Variants in EGFLAM observed in about 807,000 individuals in gnomAD.
EGFLAM encodes the protein pikachurin.
Under a neutral mutation model 113.1 loss-of-function variants are expected in EGFLAM, and 79 were observed. The observed-to-expected ratio is 0.70, with a 90% CI of 0.58 to 0.84. The LOEUF (loss-of-function observed/expected upper bound fraction) is 0.84, where lower values mean the gene tolerates loss of function less well. Ranked by LOEUF, EGFLAM falls within the 40% of genes least tolerant of loss-of-function variation. The pLI, the probability that EGFLAM is intolerant of heterozygous loss-of-function variation, is 0.00. For missense variants in EGFLAM, 1,265 were observed against 1,291.6 expected (o/e 0.98, Z 0.32); for synonymous variants, 504 against 487.6 (o/e 1.03, Z -0.44).
At chr5:38,374,359 T>G (rs1161212822) in intron 6 of EGFLAM, among the ~76,000 whole-genome samples, 2 of 152,142 alleles carry the variant, frequency 1.3e-5, no homozygotes, top group East Asian at 3.9e-4. Flanking sequence ...GATCAGAATT[T>G]TTAAAGATAA....
chr5:38,391,384 T>TTG (rs758900897), intron 6 of EGFLAM, among the ~76,000 whole-genome samples: 9,638 of 97,678 alleles, frequency 0.099, 500 homozygotes, highest in African/African-American at 0.21. Flanking sequence ...TTTCTTTTCT[T>TTG]TGTGTGTGTG....
At chr5:38,449,396 A>G (rs1742832375) in intron 18 of EGFLAM, among the ~76,000 whole-genome samples, 1 of 152,142 alleles carries the variant, frequency 6.6e-6, no homozygotes, top group African/African-American at 2.4e-5. Context: ...GTATTAATCT[A>G]CGTTGTCTTG....
chr5:38,358,463 A>AAAAAAG (rs1561292420), intron 5 of EGFLAM, among the ~76,000 whole-genome samples: 1 of 151,352 alleles, frequency 6.6e-6, no homozygotes, highest in East Asian at 2.0e-4. Flanking sequence ...AAAAAAAAAA[A>AAAAAAG]AAAAAGATTA....
chr5:38,331,153 C>A (rs190065590), intron 1 of EGFLAM, among the ~76,000 whole-genome samples: 2 of 152,086 alleles, frequency 1.3e-5, no homozygotes, highest in East Asian at 3.9e-4. Context: ...GAGAGATTTC[C>A]CATATACTCC....
chr5:38,377,240 C>T (rs886780089), intron 6 of EGFLAM, among the ~76,000 whole-genome samples: 5 of 151,790 alleles, frequency 3.3e-5, no homozygotes, highest in African/African-American at 7.3e-5. Context: ...CAGGTTCAAG[C>T]GCTTCTCCTG....
chr5:38,362,738 G>C (rs946700995), intron 5 of EGFLAM, among the ~76,000 whole-genome samples: 1 of 152,256 alleles, frequency 6.6e-6, no homozygotes, highest in African/African-American at 2.4e-5. Flanking sequence ...ACTAGCACCT[G>C]GTCCTAGAAA....
intron 5 of EGFLAM, among the ~76,000 whole-genome samples, chr5:38,360,823 T>A (rs202067786): frequency 2.1e-4 from 4 of 18,986 alleles, no homozygotes; most frequent in African/African-American, 3.1e-4. Context: ...TTTGAAATTA[T>A]TTATTTATTT....
chr5:38,387,857 A>G (rs1740705688), intron 6 of EGFLAM, among the ~76,000 whole-genome samples: 2 of 152,162 alleles, frequency 1.3e-5, no homozygotes, highest in South Asian at 2.1e-4. Context: ...GTTTTCTTCT[A>G]ATGTCGCGAA....
At chr5:38,404,168 T>C (rs1227951882) in intron 6 of EGFLAM, among the ~76,000 whole-genome samples, 2 of 152,202 alleles carry the variant, frequency 1.3e-5, no homozygotes, top group Non-Finnish European at 2.9e-5. Context: ...TGCCATTTCC[T>C]TCCACTCCAT....
At chr5:38,348,833 G>C (rs1040946287) in intron 3 of EGFLAM, among the ~76,000 whole-genome samples, 1 of 152,108 alleles carries the variant, frequency 6.6e-6, no homozygotes, top group Non-Finnish European at 1.5e-5. Flanking sequence ...AACAGATGGG[G>C]CAGTTCAGGG....
chr5:38,401,358 G>A (rs555357717), intron 6 of EGFLAM: 1 of 152,280 alleles, frequency 6.6e-6, no homozygotes, highest in East Asian at 1.9e-4. Context: ...AGAGTCTTAT[G>A]GACATTGAAC....
chr5:38,306,221 A>C (rs547274551), intron 1 of EGFLAM, among the ~76,000 whole-genome samples: 3 of 152,346 alleles, frequency 2.0e-5, no homozygotes, highest in African/African-American at 7.2e-5. Flanking sequence ...ATGAATAGAA[A>C]TCTTACCTGA....
rs117007651 is a variant in EGFLAM at position 38,434,668 on chromosome 5, G to A, written c.2167-469G>A. Among the ~76,000 whole-genome samples, 6 of 152,348 alleles carry A rather than the reference G, an allele frequency of 3.9e-5. No individual in the cohort carries two copies. The East Asian group carries it at 1.2e-3, about 29-fold the overall frequency. On this transcript the variant is annotated intron_variant, in intron 15 of 21. Coordinates refer to ENST00000322350, the MANE Select transcript of EGFLAM (RefSeq NM_152403.4). ...ATCTGAGATCTGGGCTGAAGGAACAGAGGGAAGGAGAAAAGGGCATGGTGA... is the reference window on the plus strand; with the variant it reads ...ATCTGAGATCTGGGCTGAAGGAACAAAGGGAAGGAGAAAAGGGCATGGTGA...
intron 3 of EGFLAM, chr5:38,345,775 G>A (rs1739458727): frequency 6.6e-6 from 1 of 152,226 alleles, no homozygotes; most frequent in South Asian, 2.1e-4. Flanking sequence ...TCTCTACTTT[G>A]AAAAGAGCAT....
At chr5:38,446,052 G>A (rs560720039) in intron 17 of EGFLAM, among the ~76,000 whole-genome samples, 1 of 152,142 alleles carries the variant, frequency 6.6e-6, no homozygotes, top group African/African-American at 2.4e-5. Context: ...CCTCTCCCCC[G>A]TGGGGGTGAG....
chr5:38,258,971 G>A, intron 1 of EGFLAM, 120 bp downstream of exon 1: 8 of 1,103,586 alleles, frequency 7.2e-6, no homozygotes, highest in Non-Finnish European at 1.0e-5. Flanking sequence ...TGCTTAACTC[G>A]CTTCAGCTCT....
chr5:38,450,724 C>A (rs1246681139), intron 18 of EGFLAM, among the ~76,000 whole-genome samples: 1 of 152,318 alleles, frequency 6.6e-6, no homozygotes, highest in South Asian at 2.1e-4. Context: ...TGGAGCTGGC[C>A]TAGCCTGAGC....
intron 1 of EGFLAM, among the ~76,000 whole-genome samples, chr5:38,268,525 A>G (rs190221682): frequency 2.6e-5 from 4 of 152,338 alleles, no homozygotes; most frequent in Non-Finnish European, 4.4e-5. Context: ...GATGTGGTAG[A>G]TTGTCTCTGA....
intron 6 of EGFLAM, among the ~76,000 whole-genome samples, chr5:38,375,947 G>A (rs752703395): frequency 5.9e-5 from 9 of 152,196 alleles, no homozygotes; most frequent in South Asian, 2.1e-4. Context: ...ATGTACTTCT[G>A]TCTTCTCCTG....
Sources: gnomAD v4.1 joint callset for allele counts (sites outside exome capture counted in the v4.1 genomes callset) on GRCh38, gnomAD v4.1.1 for gene constraint, MANE v1.5 for transcripts, NCBI Gene and HGNC (gene_info 2026-07-23, HGNC 2026-07-21) for gene names.